Variants in BMAL2 observed in about 807,000 individuals in gnomAD.
The protein encoded by BMAL2 is basic helix-loop-helix ARNT like 2.
the BMAL2 span, chr12:27,387,176 G>A: frequency 9.0e-6 from 11 of 1,218,782 alleles, no homozygotes; most frequent in Admixed American, 1.2e-4. Context: ...GTGTGCGTGT[G>A]TATAAGAGAC....
the BMAL2 span, among the ~76,000 whole-genome samples, chr12:27,414,325 A>G: frequency 6.6e-5 from 10 of 152,072 alleles, no homozygotes; most frequent in African/African-American, 9.7e-5. Flanking sequence ...AGACGTGAAC[A>G]CTCCATCTGA....
chr12:27,376,940 G>A, the BMAL2 span, among the ~76,000 whole-genome samples: 1 of 139,526 alleles, frequency 7.2e-6, no homozygotes, highest in African/African-American at 2.7e-5. Flanking sequence ...GGCAGAGCTT[G>A]CAGTGAGCCG....
At chr12:27,366,659 C>T in the BMAL2 span, among the ~76,000 whole-genome samples, 3 of 152,176 alleles carry the variant, frequency 2.0e-5, no homozygotes, top group Non-Finnish European at 4.4e-5. Flanking sequence ...CTTAGCAATT[C>T]AGAGTTAAAA....
At chr12:27,406,349 T>A in the BMAL2 span, among the ~76,000 whole-genome samples, 1 of 152,148 alleles carries the variant, frequency 6.6e-6, no homozygotes, top group African/African-American at 2.4e-5. Flanking sequence ...GAGAGAAAGG[T>A]CAGGTTACCC....
the BMAL2 span, among the ~76,000 whole-genome samples, chr12:27,393,347 A>G: frequency 6.6e-6 from 1 of 152,220 alleles, no homozygotes; most frequent in Non-Finnish European, 1.5e-5. Context: ...CTGCATTGGA[A>G]TCACCTGGAA....
chr12:27,393,365 T>C, the BMAL2 span, among the ~76,000 whole-genome samples: 3 of 152,238 alleles, frequency 2.0e-5, no homozygotes, highest in Non-Finnish European at 4.4e-5. Flanking sequence ...GAAGGATTTT[T>C]AAAACACAGA....
the BMAL2 span, among the ~76,000 whole-genome samples, chr12:27,371,738 A>C: frequency 6.6e-6 from 1 of 152,182 alleles, no homozygotes; most frequent in Non-Finnish European, 1.5e-5. Context: ...ACACATATAT[A>C]TATAAATAAC....
chr12:27,409,068 G>T, the BMAL2 span, among the ~76,000 whole-genome samples: 589 of 152,054 alleles, frequency 3.9e-3, 2 homozygotes, highest in African/African-American at 0.013. Context: ...AGGAGAACTA[G>T]AAACCACTGC....
the BMAL2 span, chr12:27,401,190 G>A: frequency 8.3e-7 from 1 of 1,210,784 alleles, no homozygotes; most frequent in Non-Finnish European, 1.2e-6. Flanking sequence ...ACCATATGTG[G>A]GCCTACAGTC....
the BMAL2 span, among the ~76,000 whole-genome samples, chr12:27,338,454 C>T: frequency 1.3e-4 from 19 of 151,590 alleles, no homozygotes; most frequent in South Asian, 1.3e-3. Flanking sequence ...GGAAAGACAA[C>T]TCTTGGAGAG....
chr12:27,385,841 C>T, the BMAL2 span, among the ~76,000 whole-genome samples: 1 of 152,072 alleles, frequency 6.6e-6, no homozygotes, highest in African/African-American at 2.4e-5. Context: ...ATAGGATCTA[C>T]TCCCCCATGA....
the BMAL2 span, chr12:27,394,665 A>G: frequency 6.6e-6 from 1 of 152,218 alleles, no homozygotes; most frequent in African/African-American, 2.4e-5. Flanking sequence ...TTTTATCTCA[A>G]TAAGTTTTTA....
At chr12:27,385,735 G>C in the BMAL2 span, among the ~76,000 whole-genome samples, 1 of 152,206 alleles carries the variant, frequency 6.6e-6, no homozygotes, top group African/African-American at 2.4e-5. Context: ...ACTAGTTTGT[G>C]TTAATGAAAG....
chr12:27,383,096 A>G, the BMAL2 span, among the ~76,000 whole-genome samples: 2 of 152,206 alleles, frequency 1.3e-5, no homozygotes, highest in African/African-American at 4.8e-5. Flanking sequence ...GCAGTGAAGC[A>G]CAGTGGTTCA....
the BMAL2 span, among the ~76,000 whole-genome samples, chr12:27,409,883 C>G: frequency 2.3e-4 from 35 of 152,018 alleles, no homozygotes; most frequent in African/African-American, 8.0e-4. Context: ...ACAATGAACT[C>G]CAACAAATTT....
the BMAL2 span, chr12:27,400,660 T>C: frequency 6.2e-7 from 1 of 1,614,030 alleles, no homozygotes; most frequent in Non-Finnish European, 8.5e-7. Context: ...CTTGTGGCCA[T>C]TGGAAGATTA....
the BMAL2 span, among the ~76,000 whole-genome samples, chr12:27,350,994 C>CT: frequency 0.1 from 9,670 of 94,472 alleles, 659 homozygotes; most frequent in East Asian, 0.37. Flanking sequence ...CCCACCCCCC[C>CT]TTTTTTTTTT....
chr12:27,390,012 G>A, the BMAL2 span: 2 of 1,506,564 alleles, frequency 1.3e-6, no homozygotes. Context: ...ATAATAGATG[G>A]TCAGAAAATG....
chr12:27,358,475 A>G, the BMAL2 span, among the ~76,000 whole-genome samples: 1 of 152,184 alleles, frequency 6.6e-6, no homozygotes, highest in African/African-American at 2.4e-5. Flanking sequence ...ACTATAGGAA[A>G]CTGGAGATTC....
Sources: gnomAD v4.1 joint callset for allele counts (sites outside exome capture counted in the v4.1 genomes callset) on GRCh38, gnomAD v4.1.1 for gene constraint, MANE v1.5 for transcripts, NCBI Gene and HGNC (gene_info 2026-07-23, HGNC 2026-07-21) for gene names.